Variants in CUX1 observed in about 807,000 individuals in gnomAD.
CUX1 encodes the protein protein CASP.
CUX1 carries 31 observed loss-of-function variants against 158.8 expected under a neutral mutation model. That is an observed-to-expected ratio of 0.20 (90% CI 0.15 to 0.26). The LOEUF is 0.26. Ranked by LOEUF, CUX1 falls within the 10% of genes least tolerant of loss-of-function variation. CUX1 has a pLI of 1.00. For missense variants in CUX1, 1,589 were observed against 2,014.6 expected (o/e 0.79, Z 4.04); for synonymous variants, 879 against 862.1 (o/e 1.02, Z -0.34).
Position 102,189,851 on chromosome 7 carries a change from A to G in CUX1, c.1056A>G (p.Glu352=), listed in dbSNP as rs1171282167. 3.1e-6 allele frequency: 5 copies of G among 1,614,272 alleles called. No homozygotes were observed. The highest frequency in any genetic ancestry group is 4.2e-6 in the Non-Finnish European group (5 of 1,180,036). The change falls in exon 12 of 24, where the codon GAA becomes GAG. Residue 352 remains glutamate, a synonymous_variant. Coordinates refer to ENST00000292535, the MANE Select transcript of CUX1 (RefSeq NM_181552.4). ...EEKLKGQADY[E]EVKKELNILK... ...AACTCAAAGGCCAGGCTGACTATGA[A>G]GAGGTGAAGAAAGAGCTGAAGTAAG...
intron 2 of CUX1, among the ~76,000 whole-genome samples, chr7:101,997,754 G>A (rs1816144043): frequency 6.6e-6 from 1 of 152,148 alleles, no homozygotes; most frequent in Non-Finnish European, 1.5e-5. Flanking sequence ...AGCTGTGTGT[G>A]CAGTGCGGAT....
At chr7:102,235,527 C>T (rs1799462767) in intron 22 of CUX1, among the ~76,000 whole-genome samples, 1 of 152,026 alleles carries the variant, frequency 6.6e-6, no homozygotes, top group South Asian at 2.1e-4. Flanking sequence ...ATAGTGAAAC[C>T]CCATCTCTAC....
chr7:101,879,119 T>C (rs1799454449), intron 1 of CUX1, among the ~76,000 whole-genome samples: 1 of 152,232 alleles, frequency 6.6e-6, no homozygotes, highest in African/African-American at 2.4e-5. Context: ...CTGAAACTGT[T>C]GCATTTCAAA....
intron 10 of CUX1, among the ~76,000 whole-genome samples, chr7:102,177,150 A>T (rs533021024): frequency 2.0e-5 from 3 of 152,122 alleles, no homozygotes; most frequent in South Asian, 4.1e-4. Context: ...ACAGTGGCTC[A>T]TGCCTATAAT....
rs531273453 is a variant in CUX1 at position 102,084,579 on chromosome 7, C to T, written c.269-12785C>T. Among the ~76,000 whole-genome samples the T allele has an allele frequency of 7.6e-5, 11 of 144,830 alleles. 1 individual carries two copies. Among genetic ancestry groups the T allele is most frequent in the African/African-American group, 1.7e-4 (7 of 40,776 alleles). ...CTGGGATTACAGGTGCCCGCCACCA[C>T]GCCTGGCTAATTTTTTTGGATTTTT... On this transcript the variant is annotated intron_variant, in intron 4 of 23. Transcript: ENST00000292535.
At position 102,277,925 on chromosome 7, in the gene CUX1, CTTTCCTTGCCCCTCCCCCCCCAGGAGAA is replaced by C; in HGVS notation, c.1564-23_1568del. ...CAGCACGGAGGCCTCTCCCCCACCC[CTTTCCTTGCCCCTCCCCCCCCAGGAGAA>C]CCGCCTGGCCCAGCACACCCTCCAG... On this transcript the variant is annotated splice_acceptor_variant and splice_polypyrimidine_tract_variant and coding_sequence_variant and intron_variant, in exon 18 of 23. Coordinates refer to the CUX1 transcript ENST00000292538. LOFTEE classifies it high-confidence loss of function. 9.6e-7 allele frequency: 1 copy of C among 1,037,300 alleles called. No individual in the cohort carries two copies. Among genetic ancestry groups the C allele is most frequent in the Non-Finnish European group, 1.4e-6 (1 of 706,024 alleles). 64.3% of individuals were successfully genotyped at this position (1,037,300 alleles called of 1,614,324 possible). A position where few individuals can be genotyped will look rare whatever the true frequency, so the allele number is the denominator to read the frequency against.
intron 1 of CUX1, among the ~76,000 whole-genome samples, chr7:101,866,580 CATG>C (rs1797945912): frequency 6.6e-6 from 1 of 151,844 alleles, no homozygotes; most frequent in Admixed American, 6.6e-5. Context: ...TGCAGTGAGT[CATG>C]ATCATACCGT....
At chr7:102,068,098 GTTGT>G (rs1318888942) in intron 3 of CUX1, among the ~76,000 whole-genome samples, 1 of 151,604 alleles carries the variant, frequency 6.6e-6, no homozygotes, top group Non-Finnish European at 1.5e-5. Flanking sequence ...TGTTGTTGTT[GTTGT>G]TTAATTTGAG....
intron 3 of CUX1, among the ~76,000 whole-genome samples, chr7:102,046,243 C>A (rs532761441): frequency 8.5e-5 from 13 of 152,246 alleles, no homozygotes; most frequent in African/African-American, 3.1e-4. Flanking sequence ...ATTCACTTCC[C>A]GTTTTTGGAG....
Position 102,196,650 on chromosome 7 carries a change from A to G in CUX1, c.1239A>G (p.Lys413=), listed in dbSNP as rs1794824957. 1 of 1,564,142 alleles carries G rather than the reference A, an allele frequency of 6.4e-7. No individual in the cohort carries two copies. The highest frequency in any genetic ancestry group is 8.7e-7 in the Non-Finnish European group (1 of 1,154,182). Residue 413 remains lysine, a synonymous_variant, in exon 15 of 24, where the codon AAA becomes AAG. Transcript: ENST00000292535. ...TCCTTGTAGGGTCAGCCAGGAGGAA[A>G]GGGAAAGACCAGCCTGAAAGTCGGC... ...NSDLSGSARR[K]GKDQPESRRP... is the part of the protein sequence containing the mutation.
intron 2 of CUX1, among the ~76,000 whole-genome samples, chr7:101,933,432 TA>T (rs1276792868): frequency 1.3e-5 from 2 of 152,234 alleles, no homozygotes; most frequent in Non-Finnish European, 2.9e-5. Context: ...GCTAGCTATT[TA>T]CCTTTTTCCT....
intron 3 of CUX1, among the ~76,000 whole-genome samples, chr7:102,069,984 C>T (rs1402302458): frequency 6.6e-6 from 1 of 152,208 alleles, no homozygotes; most frequent in Non-Finnish European, 1.5e-5. Flanking sequence ...ACTGTCTCTT[C>T]CCACCCACCT....
At chr7:102,189,617 G>A (rs916665606) in intron 11 of CUX1, among the ~76,000 whole-genome samples, 196 bp from the exon 12 acceptor site, 1 of 152,186 alleles carries the variant, frequency 6.6e-6, no homozygotes, top group Non-Finnish European at 1.5e-5. Context: ...ACACTTTGCC[G>A]TGCCTGGGCA....
At chr7:101,995,691 A>T (rs987095739) in intron 2 of CUX1, among the ~76,000 whole-genome samples, 1 of 152,260 alleles carries the variant, frequency 6.6e-6, no homozygotes, top group Non-Finnish European at 1.5e-5. Context: ...GCATCCAAAC[A>T]TCGGCTGGCC....
At chr7:102,033,354 T>C (rs375172059) in intron 3 of CUX1, among the ~76,000 whole-genome samples, 3 of 151,296 alleles carry the variant, frequency 2.0e-5, no homozygotes, top group East Asian at 1.9e-4. Context: ...AAATGACAAA[T>C]ATAATAATAA....
chr7:101,941,207 T>C (rs1807669597), intron 2 of CUX1, among the ~76,000 whole-genome samples: 1 of 152,072 alleles, frequency 6.6e-6, no homozygotes, highest in Admixed American at 6.6e-5. Context: ...GGGAACTCAC[T>C]GGGAGGAGGG....
chr7:101,862,694 G>C (rs1797587142), intron 1 of CUX1, among the ~76,000 whole-genome samples: 1 of 152,120 alleles, frequency 6.6e-6, no homozygotes, highest in Non-Finnish European at 1.5e-5. Context: ...AGTGTGCCCT[G>C]AACACGTTTC....
chr7:102,224,297 C>A (rs1798136305), intron 20 of CUX1, among the ~76,000 whole-genome samples: 1 of 152,154 alleles, frequency 6.6e-6, no homozygotes, highest in South Asian at 2.1e-4. Context: ...ACCTCCGCCT[C>A]CCCCATTCAA....
intron 3 of CUX1, among the ~76,000 whole-genome samples, chr7:102,059,101 A>C (rs1051202223): frequency 7.2e-5 from 11 of 152,182 alleles, no homozygotes; most frequent in African/African-American, 2.7e-4. Flanking sequence ...GGGGAGAGAG[A>C]AGACAGCTAA....
Sources: gnomAD v4.1 joint callset for allele counts (sites outside exome capture counted in the v4.1 genomes callset) on GRCh38, gnomAD v4.1.1 for gene constraint, MANE v1.5 for transcripts, NCBI Gene and HGNC (gene_info 2026-07-23, HGNC 2026-07-21) for gene names.